The following MAP3K21 variants were observed in gnomAD, a reference collection of about 807,000 sequenced individuals.
MAP3K21 encodes the protein mitogen-activated protein kinase kinase kinase 21, also known as mitogen-activated protein kinase kinase kinase MLK4.
MAP3K21 carries 63 observed loss-of-function variants against 86.1 expected under a neutral mutation model. The ratio of observed to expected loss-of-function variants is 0.73; its 90% confidence interval spans 0.60 to 0.90. The LOEUF (loss-of-function observed/expected upper bound fraction) is 0.90, where lower values mean the gene tolerates loss of function less well. Ranked by LOEUF, MAP3K21 falls within the 40% of genes least tolerant of loss-of-function variation. MAP3K21 has a pLI of 0.00. For synonymous variants in MAP3K21, 558 were observed against 564.8 expected (o/e 0.99, Z 0.17); for missense variants, 1,220 against 1,367.7 (o/e 0.89, Z 1.70).
At chr1:233,329,416 GGCCGAGGTGGGCGGATC>G (rs1662768768) in intron 1 of MAP3K21, among the ~76,000 whole-genome samples, 2 of 152,290 alleles carry the variant, frequency 1.3e-5, no homozygotes, top group East Asian at 3.9e-4. Context: ...CACTTTGGGA[GGCCGAGGTGGGCGGATC>G]ACCTGAGGTT....
chr1:233,351,317 CT>C (rs1256073850), intron 2 of MAP3K21, among the ~76,000 whole-genome samples: 1 of 151,946 alleles, frequency 6.6e-6, no homozygotes, highest in African/African-American at 2.4e-5. Flanking sequence ...TATATATTTC[CT>C]TTTTGAGATA....
intron 6 of MAP3K21, chr1:233,373,883 A>C (rs187393892): frequency 3.3e-5 from 5 of 152,514 alleles, no homozygotes; most frequent in Admixed American, 2.6e-4. Flanking sequence ...TGGAAACAAA[A>C]GAGAAACCAG....
At chr1:233,364,439 A>T (rs1277427852) in intron 5 of MAP3K21, among the ~76,000 whole-genome samples, 2 of 152,172 alleles carry the variant, frequency 1.3e-5, no homozygotes, top group Non-Finnish European at 2.9e-5. Context: ...TTCCCTTGGG[A>T]AACTTTGGGG....
At chr1:233,376,690 C>T (rs79037332) in intron 8 of MAP3K21, among the ~76,000 whole-genome samples, 163 bp downstream of exon 8, 2,622 of 152,238 alleles carry the variant, frequency 0.017, 75 homozygotes, top group African/African-American at 0.06. Flanking sequence ...AGTTATTTTC[C>T]GTCAAGTATT....
At position 233,328,191 on chromosome 1, in the gene MAP3K21, G is replaced by T; in HGVS notation, c.163G>T (p.Asp55Tyr). 6.7e-7 allele frequency: 1 copy of T among 1,483,102 alleles called. No individual in the cohort carries two copies. The highest frequency in any genetic ancestry group is 8.9e-7 in the Non-Finnish European group (1 of 1,124,618). The allele number at this position is 1,483,102 out of a possible 1,614,324, so 91.9% of individuals were successfully genotyped here. The change falls in exon 1 of 10, where the codon GAC becomes TAC. Residue 55 changes from aspartate (D) to tyrosine (Y), a missense_variant. Transcript: ENST00000366624. The surrounding 1 kb of genome is among the most constrained non-coding windows in gnomAD (Gnocchi z 8.7). ...ALYDYEARGEDELSLRRGQLV... is the reference protein window; with the variant it reads ...ALYDYEARGEYELSLRRGQLV... ...CTATGACTACGAGGCTCGCGGCGAG[G>T]ACGAGCTGAGCCTGCGGCGCGGCCA...
chr1:233,362,060 G>A lies in MAP3K21; in HGVS notation c.1319G>A (p.Arg440Gln). ...TGTGAATCTGTGTCGCAGGAGCTGC[G>A]ATCCCGGGAAGAGGAGCTGACTCGG... ...DELRTKEKEL[R>Q]SREEELTRAA... Residue 440 changes from arginine to glutamine, a missense_variant, in exon 5 of 10, where the codon CGA becomes CAA. Arg to Gln is a conservative substitution (Grantham distance 43, BLOSUM62 1). Transcript: ENST00000366624. 6.2e-7 allele frequency: 1 copy of A among 1,611,874 alleles called. No homozygotes were observed. The highest frequency in any genetic ancestry group is 8.5e-7 in the Non-Finnish European group (1 of 1,179,060).
intron 1 of MAP3K21, among the ~76,000 whole-genome samples, chr1:233,334,566 G>T (rs1294293): frequency 0.78 from 118,305 of 152,052 alleles, 46,284 homozygotes; most frequent in East Asian, 0.99. Context: ...GAGTAGTTAG[G>T]TGTAACTAGA....
chr1:233,328,248 G>A lies in MAP3K21; in HGVS notation c.220G>A (p.Val74Met). The change falls in exon 1 of 10, where the codon GTG (valine) becomes ATG (methionine). Residue 74 changes from valine (V) to methionine (M), a missense_variant. Transcript: ENST00000366624. The surrounding 1 kb of genome is among the most constrained non-coding windows in gnomAD (Gnocchi z 8.7). ...LVEVLSQDAA[V>M]SGDEGWWAGQ... ...GGAGGTGCTGTCGCAGGACGCCGCCGTGTCGGGCGACGAGGGCTGGTGGGC... is the reference window on the plus strand; with the variant it reads ...GGAGGTGCTGTCGCAGGACGCCGCCATGTCGGGCGACGAGGGCTGGTGGGC... 6.7e-7 allele frequency: 1 copy of A among 1,490,040 alleles called. No homozygotes were observed. Among genetic ancestry groups the A allele is most frequent in the Non-Finnish European group, 8.9e-7 (1 of 1,128,124 alleles). 92.3% of individuals were successfully genotyped at this position (1,490,040 alleles called of 1,614,324 possible).
chr1:233,329,793 T>C lies in MAP3K21; in HGVS notation c.805+960T>C, dbSNP rs186877315. On this transcript the variant is annotated intron_variant, in intron 1 of 9. Coordinates refer to ENST00000366624, the MANE Select transcript of MAP3K21 (RefSeq NM_032435.3). ...AAGTGCATTGTCCTTGCACAGGTAC[T>C]TGAAACCTTGAAGACCTGGCCAGTG... Among the ~76,000 whole-genome samples, 4 of 152,360 alleles carry C rather than the reference T, an allele frequency of 2.6e-5. No homozygotes were observed. In the East Asian group the frequency reaches 7.7e-4, roughly 29 times the overall value.
Position 233,379,684 on chromosome 1 carries a change from C to G in MAP3K21, c.2678C>G (p.Thr893Ser). The G allele has an allele frequency of 6.2e-7, 1 of 1,611,808 alleles. No individual in the cohort carries two copies. The change falls in exon 9 of 10, where the codon ACC becomes AGC. Residue 893 changes from threonine to serine, a missense_variant. This residue lies in a region of MAP3K21 where 632 missense variants were observed against 691.3 expected (regional missense o/e 0.91). Coordinates refer to ENST00000366624, the MANE Select transcript of MAP3K21 (RefSeq NM_032435.3). ...CATAGACCGTCACATCACAGACGGACCATGTCTGATGGAAATCCGACCCCA... is the reference window on the plus strand; with the variant it reads ...CATAGACCGTCACATCACAGACGGAGCATGTCTGATGGAAATCCGACCCCA... Reference protein sequence around the residue: ...SKHRPSHHRRTMSDGNPTPTG... With the variant: ...SKHRPSHHRRSMSDGNPTPTG...
chr1:233,375,812 T>G, intron 6 of MAP3K21, 104 bp from the exon 7 acceptor site: 2 of 797,816 alleles, frequency 2.5e-6, no homozygotes, highest in Non-Finnish European at 4.0e-6. Context: ...ATGTTTTGAG[T>G]AAGGTAGTTT....
At chr1:233,372,459 G>T in intron 6 of MAP3K21, 1 of 385,578 alleles carries the variant, frequency 2.6e-6, no homozygotes, top group Non-Finnish European at 4.6e-6. Flanking sequence ...CGCAACGTTA[G>T]CATAACCTAA....
chr1:233,359,793 C>T (rs181876718), intron 4 of MAP3K21, among the ~76,000 whole-genome samples: 18 of 152,302 alleles, frequency 1.2e-4, no homozygotes, highest in Admixed American at 3.9e-4. Context: ...TCTCATCAAC[C>T]GAAAGAATGT....
chr1:233,356,631 G>A (rs750887416), intron 4 of MAP3K21, among the ~76,000 whole-genome samples: 16 of 152,160 alleles, frequency 1.1e-4, no homozygotes, highest in Admixed American at 3.3e-4. Context: ...CCAAGGAAAC[G>A]TGCTTAAAGT....
rs1448174086 is a variant in MAP3K21, at chr1:233,328,293, C to T, written c.265C>T (p.Leu89Phe). 4.0e-6 allele frequency: 6 copies of T among 1,486,770 alleles called. No homozygotes were observed. Among genetic ancestry groups the T allele is most frequent in the African/African-American group, 2.9e-5 (2 of 68,444 alleles). 92.1% of individuals were successfully genotyped at this position (1,486,770 alleles called of 1,614,324 possible). ...GTGGGCAGGCCAGGTGCAGCGGCGC[C>T]TCGGCATCTTCCCCGCCAACTACGT... is the stretch of plus-strand genomic sequence containing the variant. ...GWWAGQVQRR[L>F]GIFPANYVAP... The change falls in exon 1 of 10, where the codon CTC (leucine) becomes TTC (phenylalanine). Residue 89 changes from leucine to phenylalanine, a missense_variant. Physicochemically the swap from Leu to Phe is conservative, Grantham distance 22. This residue lies in a region of MAP3K21 where 369 missense variants were observed against 385.3 expected (regional missense o/e 0.96). Transcript: ENST00000366624. This position sits in a 1 kb window ranked among gnomAD's most constrained non-coding sequence, Gnocchi z 8.7.
chr1:233,379,657 A>G lies in MAP3K21; in HGVS notation c.2651A>G (p.Lys884Arg). The part of the protein sequence containing the change: ...CGNVPYCASS[K>R]HRPSHHRRTM... ...AATGTACCTTACTGTGCTTCTTCAAAACATAGACCGTCACATCACAGACGG... is the reference window on the plus strand; with the variant it reads ...AATGTACCTTACTGTGCTTCTTCAAGACATAGACCGTCACATCACAGACGG... Residue 884 changes from lysine (K) to arginine (R), a missense_variant, in exon 9 of 10, where the codon AAA becomes AGA. Around this residue, in one of 5 missense-constraint regions of MAP3K21, gnomAD observed 632 missense variants for 691.3 expected, o/e 0.91. Transcript: ENST00000366624. 1.2e-6 allele frequency: 2 copies of G among 1,613,844 alleles called. No homozygotes were observed. Among genetic ancestry groups the G allele is most frequent in the South Asian group, 2.2e-5 (2 of 91,078 alleles).
chr1:233,364,700 A>G (rs1386496144), intron 5 of MAP3K21, among the ~76,000 whole-genome samples: 1 of 152,064 alleles, frequency 6.6e-6, no homozygotes, highest in Admixed American at 6.6e-5. Context: ...CCTGTATTGT[A>G]TTATACAGCT....
intron 5 of MAP3K21, among the ~76,000 whole-genome samples, chr1:233,364,812 G>T (rs1231985081): frequency 1.3e-5 from 2 of 152,034 alleles, no homozygotes; most frequent in African/African-American, 4.8e-5. Context: ...GAAATCTACT[G>T]CTATAATCCT....
intron 8 of MAP3K21, among the ~76,000 whole-genome samples, chr1:233,377,702 A>G (rs1663826394): frequency 6.6e-6 from 1 of 152,224 alleles, no homozygotes; most frequent in South Asian, 2.1e-4. Flanking sequence ...AGGATGATCC[A>G]AGCGCATTAC....
Sources: gnomAD v4.1 joint callset for allele counts (sites outside exome capture counted in the v4.1 genomes callset) on GRCh38, gnomAD v4.1.1 for gene constraint, gnomAD v4.1.1 regional missense constraint, Gnocchi (gnomAD v3.1) non-coding constraint, MANE v1.5 for transcripts, NCBI Gene and HGNC (gene_info 2026-07-23, HGNC 2026-07-21) for gene names.